Variants in MYH11 observed in about 807,000 individuals in gnomAD.
The protein encoded by MYH11 is myosin-11.
Under a neutral mutation model 246.6 loss-of-function variants are expected in MYH11, and 80 were observed. The ratio of observed to expected loss-of-function variants is 0.32; its 90% CI spans 0.27 to 0.39. MYH11 has a LOEUF of 0.39. Among genes scored for constraint, MYH11 ranks in the 10% least tolerant of loss-of-function variants. The pLI is 1.00. For synonymous variants in MYH11, 1,071 were observed against 1,015.5 expected (o/e 1.05, Z -1.04); for missense variants, 2,158 against 2,546.8 (o/e 0.85, Z 3.29).
chr16:15,832,943 CTTTTTTTTTTTTTTTTTTTTTTTTTT>C (rs780380104), intron 2 of MYH11, among the ~76,000 whole-genome samples: 2 of 55,340 alleles, frequency 3.6e-5, no homozygotes, highest in African/African-American at 1.5e-4. Context: ...GCAACCTCAT[CTTTTTTTTTTTTTTTTTTTTTTTTTT>C]TTTTTTTTTT....
At chr16:15,779,180 AGTGCAGTG>A in intron 6 of MYH11, 1 of 405,464 alleles carries the variant, frequency 2.5e-6, no homozygotes, top group Non-Finnish European at 4.7e-6. Flanking sequence ...CGAGGGCTGG[AGTGCAGTG>A]GTGCAATCAC....
chr16:15,753,659 A>G (rs2041634160), intron 14 of MYH11, 151 bp from the exon 15 acceptor site: 1 of 713,726 alleles, frequency 1.4e-6, no homozygotes, highest in African/African-American at 1.7e-5. Context: ...CTCCACAAAC[A>G]CCAGTGAAGA....
chr16:15,739,437 G>C (rs891405035), intron 23 of MYH11, among the ~76,000 whole-genome samples: 9 of 152,036 alleles, frequency 5.9e-5, no homozygotes, highest in African/African-American at 2.2e-4. Flanking sequence ...GTTTCCTTCA[G>C]AGCCCTGATC....
At chr16:15,765,115 G>A (rs137901636) in intron 9 of MYH11, among the ~76,000 whole-genome samples, 4 of 152,330 alleles carry the variant, frequency 2.6e-5, no homozygotes, top group Non-Finnish European at 5.9e-5. Context: ...TGGGAGGGAG[G>A]GAGAGAGATG....
intron 16 of MYH11, among the ~76,000 whole-genome samples, chr16:15,748,765 G>T (rs901117139): frequency 4.6e-5 from 7 of 152,034 alleles, no homozygotes; most frequent in African/African-American, 1.4e-4. Flanking sequence ...ACAGGTATGT[G>T]CTACCATGCC....
rs781121072 is a variant in MYH11, at chr16:15,757,820, C to CGGGCA, written c.1575+6_1575+7insTGCCC. 17 of 1,613,944 alleles carry CGGGCA rather than the reference C, an allele frequency of 1.1e-5. No homozygotes were observed. Among genetic ancestry groups the CGGGCA allele is most frequent in the Non-Finnish European group, 1.4e-5 (17 of 1,179,958 alleles). On this transcript the variant is annotated splice_region_variant and intron_variant, in intron 13 of 40. Coordinates refer to ENST00000300036, the MANE Select transcript of MYH11 (RefSeq NM_002474.3). ...GACGGAGCCCCGCACGCCCACGTGC[C>CGGGCA]CCTCACCGGTCGCTCGATGAGCTCG... is the stretch of plus-strand genomic sequence containing the variant.
intron 28 of MYH11, 136 bp from the exon 29 acceptor site, chr16:15,725,128 C>T: frequency 3.0e-6 from 2 of 656,090 alleles, no homozygotes; most frequent in Non-Finnish European, 5.2e-6. Flanking sequence ...AGGTATGGGA[C>T]TCTGATAAAA....
chr16:15,756,608 C>T (rs1186647786), intron 13 of MYH11, 94 bp from the exon 14 acceptor site: 7 of 1,275,854 alleles, frequency 5.5e-6, no homozygotes, highest in East Asian at 2.3e-5. Flanking sequence ...CATGGGCATC[C>T]GCCGAGATCT....
chr16:15,716,310 A>G (rs2040132674), intron 38 of MYH11, among the ~76,000 whole-genome samples: 1 of 152,142 alleles, frequency 6.6e-6, no homozygotes, highest in South Asian at 2.1e-4. Flanking sequence ...TGAATATATG[A>G]ATAGCCCTTG....
Position 15,824,769 on chromosome 16 carries a change from G to A in MYH11, c.346-1358C>T, listed in dbSNP as rs191231635. On this transcript the variant is annotated intron_variant, in intron 2 of 40. Transcript: ENST00000300036. ...CCCACCACCCTCTGATCTCTTTCTG[G>A]GACCTCCCAATGTCCATATCTAAGA... Among the ~76,000 whole-genome samples the A allele has an allele frequency of 2.0e-3, 299 of 152,264 alleles. 3 individuals are homozygous for A. Among genetic ancestry groups the A allele is most frequent in the Middle Eastern group, 0.01 (3 of 294 alleles).
Position 15,714,718 on chromosome 16 carries a change from G to A in MYH11, c.5786+191C>T, listed in dbSNP as rs148225039. 5.5e-5 allele frequency: 39 copies of A among 713,496 alleles called. No homozygotes were observed. The African/African-American group carries it at 5.8e-4, about 11-fold the overall frequency. The allele number at this position is 713,496 out of a possible 1,614,324, so 44.2% of individuals were successfully genotyped here. A position where few individuals can be genotyped will look rare whatever the true frequency, so the allele number is the denominator to read the frequency against. On this transcript the variant is annotated intron_variant, in intron 40 of 40. Transcript: ENST00000300036. Reference sequence around the variant, plus strand: ...TAGAAGGTTAGCTGCTACCAGGCAAGGCAGGGCCCGGGTCTGATCTCAGTG... The same window carrying A: ...TAGAAGGTTAGCTGCTACCAGGCAAAGCAGGGCCCGGGTCTGATCTCAGTG...
intron 12 of MYH11, 44 bp from the exon 13 acceptor site, chr16:15,758,044 A>G (rs749843159): frequency 6.2e-7 from 1 of 1,612,118 alleles, no homozygotes; most frequent in Non-Finnish European, 8.5e-7. Flanking sequence ...TCTTGGTATG[A>G]AGTCAGAAGA....
In MYH11 at chr16:15,750,237, C is replaced by T; in HGVS notation, c.1959G>A (p.Val653=). The change falls in exon 16 of 41, where the codon GTG becomes GTA. Residue 653 remains valine (V), a synonymous_variant. Coordinates refer to ENST00000300036, the MANE Select transcript of MYH11 (RefSeq NM_002474.3). The surrounding 1 kb of genome is among the most constrained non-coding windows in gnomAD (Gnocchi z 4.3). ...SKTKKGMFRT[V]GQLYKEQLGK... Reference sequence around the variant, plus strand: ...CCAGCTGCTCCTTGTACAGCTGCCCCACTGTGCGGAACATGCCCTTCTTGG... The same window carrying T: ...CCAGCTGCTCCTTGTACAGCTGCCCTACTGTGCGGAACATGCCCTTCTTGG... 1 of 1,614,220 alleles carries T rather than the reference C, an allele frequency of 6.2e-7. No individual in the cohort carries two copies. Among genetic ancestry groups the T allele is most frequent in the Non-Finnish European group, 8.5e-7 (1 of 1,180,038 alleles).
chr16:15,776,291 G>A, intron 7 of MYH11, 115 bp from the exon 8 acceptor site: 1 of 761,612 alleles, frequency 1.3e-6, no homozygotes, highest in Non-Finnish European at 2.4e-6. Flanking sequence ...CTACCCCTGG[G>A]ATCGGTAATG....
At chr16:15,798,303 C>T (rs17286488) in intron 4 of MYH11, among the ~76,000 whole-genome samples, 7,861 of 152,212 alleles carry the variant, frequency 0.052, 310 homozygotes, top group Non-Finnish European at 0.073. Flanking sequence ...TCCCTATCAA[C>T]ACAGATGGCT....
At chr16:15,752,708 G>A (rs569107685) in intron 15 of MYH11, among the ~76,000 whole-genome samples, 3 of 152,270 alleles carry the variant, frequency 2.0e-5, no homozygotes, top group South Asian at 2.1e-4. Context: ...GGGGAACCCC[G>A]TCTCTACTAA....
intron 37 of MYH11, chr16:15,717,857 T>TGCTTTCTCTGTCCTGGAGTC: frequency 3.8e-6 from 1 of 264,618 alleles, no homozygotes; most frequent in South Asian, 4.7e-5. Flanking sequence ...ACTTGTCCCT[T>TGCTTTCTCTGTCCTGGAGTC]GCTTTCTCTG....
Position 15,740,202 on chromosome 16 carries a change from G to C in MYH11, c.2860-14C>G, listed in dbSNP as rs371582357. 3.0e-5 allele frequency: 48 copies of C among 1,613,976 alleles called. No individual in the cohort carries two copies. Among genetic ancestry groups the C allele is most frequent in the Non-Finnish European group, 4.0e-5 (47 of 1,180,000 alleles). ...TTCTTCAAGGTCCTTTGTTGTGGAG[G>C]GAAAAGAGTAACAGCTTTGGTTATA... is the stretch of plus-strand genomic sequence containing the variant. On this transcript the variant is annotated splice_polypyrimidine_tract_variant and intron_variant, in intron 22 of 40. Transcript: ENST00000300036.
rs966969732 is a variant in MYH11, at chr16:15,750,925, G to A, written c.1865-594C>T. The stretch of plus-strand genomic sequence containing the variant: ...TAGAAAAATAAAAATAGGGTAAAGC[G>A]GAGAGAGAGTGAAGAGGGTGCTCTC... On this transcript the variant is annotated intron_variant, in intron 15 of 40. Coordinates refer to ENST00000300036, the MANE Select transcript of MYH11 (RefSeq NM_002474.3). The surrounding 1 kb of genome is among the most constrained non-coding windows in gnomAD (Gnocchi z 4.3). Among the ~76,000 whole-genome samples, 1 of 151,944 alleles carries A rather than the reference G, an allele frequency of 6.6e-6. No individual in the cohort carries two copies. The highest frequency in any genetic ancestry group is 1.5e-5 in the Non-Finnish European group (1 of 67,998).
Sources: allele counts gnomAD v4.1 joint callset (sites outside exome capture counted in the v4.1 genomes callset), GRCh38; gene constraint gnomAD v4.1.1; non-coding constraint Gnocchi (gnomAD v3.1); transcripts MANE v1.5; gene names NCBI Gene and HGNC (gene_info 2026-07-23, HGNC 2026-07-21).